Variants in CDH7 observed in about 807,000 individuals in gnomAD.
The protein encoded by CDH7 is cadherin 7, also known as cadherin-7.
CDH7 carries 25 observed loss-of-function variants against 71.8 expected under a neutral mutation model. The ratio of observed to expected loss-of-function variants is 0.35; its 90% CI spans 0.25 to 0.49. The LOEUF is 0.49. Among genes scored for constraint, CDH7 ranks in the 20% least tolerant of loss-of-function variants. CDH7 has a pLI of 0.99. For synonymous variants in CDH7, 381 were observed against 363.8 expected (o/e 1.05, Z -0.54); for missense variants, 862 against 974.6 (o/e 0.88, Z 1.54).
At chr18:65,840,074 A>G (rs558340503) in intron 6 of CDH7, among the ~76,000 whole-genome samples, 1 of 152,360 alleles carries the variant, frequency 6.6e-6, no homozygotes. Flanking sequence ...TTCATGTGGC[A>G]GAGAATGTAC....
intron 1 of CDH7, among the ~76,000 whole-genome samples, chr18:65,751,712 C>T (rs934100675): frequency 1.3e-5 from 2 of 152,136 alleles, no homozygotes. Flanking sequence ...TAGTATTCTG[C>T]TGATCTGGTT....
At chr18:65,830,969 T>TA (rs1444835898) in intron 6 of CDH7, among the ~76,000 whole-genome samples, 1 of 152,026 alleles carries the variant, frequency 6.6e-6, no homozygotes, top group African/African-American at 2.4e-5. Flanking sequence ...TACATCTTTT[T>TA]AAAAAATTGC....
intron 6 of CDH7, among the ~76,000 whole-genome samples, chr18:65,829,908 CA>C (rs1039570292): frequency 6.6e-6 from 1 of 151,692 alleles, no homozygotes; most frequent in African/African-American, 2.4e-5. Context: ...GCTGTGGCCA[CA>C]AGGATTGAAT....
At chr18:65,782,323 C>T (rs1310581849) in intron 2 of CDH7, among the ~76,000 whole-genome samples, 2 of 151,560 alleles carry the variant, frequency 1.3e-5, no homozygotes, top group African/African-American at 4.9e-5. Context: ...TGCGCCACCA[C>T]ACCTGACAAA....
At position 65,823,266 on chromosome 18, in the gene CDH7, T is replaced by A. The variant is rs756391104; in HGVS notation, c.793+1018T>A. 5.9e-5 allele frequency among the ~76,000 whole-genome samples: 9 copies of A among 152,048 alleles called. No individual in the cohort carries two copies. In the East Asian group the frequency reaches 1.7e-3, roughly 29 times the overall value. On this transcript the variant is annotated intron_variant, in intron 5 of 11. Coordinates refer to ENST00000397968, the MANE Select transcript of CDH7 (RefSeq NM_004361.5). ...AAAAAAGTGACCCCAGGTTTAGCAT[T>A]ATTTTCTTTCAATAAGCCTATTCTT...
At chr18:65,824,441 A>C (rs768344209) in intron 5 of CDH7, among the ~76,000 whole-genome samples, 3 of 151,854 alleles carry the variant, frequency 2.0e-5, no homozygotes, top group Non-Finnish European at 4.4e-5. Context: ...TATTTCTGCT[A>C]TCACAGTGAT....
chr18:65,808,489 C>CCT (rs1279705475), intron 2 of CDH7, among the ~76,000 whole-genome samples: 1 of 152,134 alleles, frequency 6.6e-6, no homozygotes, highest in Non-Finnish European at 1.5e-5. Context: ...CAGAAATTTA[C>CCT]TTTTTGTGTT....
At chr18:65,865,748 G>A (rs147397775) in intron 11 of CDH7, 2 of 152,236 alleles carry the variant, frequency 1.3e-5, no homozygotes, top group African/African-American at 4.8e-5. Flanking sequence ...CACACAGTAA[G>A]TGCTGAAGCC....
chr18:65,882,303 C>G lies in CDH7; in HGVS notation c.*1409C>G, dbSNP rs972248710. The G allele has an allele frequency of 6.6e-6, 1 of 152,026 alleles. No homozygotes were observed. The highest frequency in any genetic ancestry group is 1.5e-5 in the Non-Finnish European group (1 of 67,952). The allele number at this position is 152,026 out of a possible 1,614,324, so 9.4% of individuals were successfully genotyped here. A position where few individuals can be genotyped will look rare whatever the true frequency, so the allele number is the denominator to read the frequency against. On this transcript the variant is annotated 3_prime_UTR_variant, in exon 12 of 12. Transcript: ENST00000397968. ...GACTTTCATGACCAAAATGATGTTT[C>G]TACCTATTATTTTTCCTAGATTAAT...
rs1914372051 is a variant in CDH7 at position 65,886,232 on chromosome 18, C to T, written c.*5338C>T. On this transcript the variant is annotated 3_prime_UTR_variant, in exon 12 of 12. Transcript: ENST00000397968. ...AGTAAAACACTATAAAAAGATAAAGCTTTATTATGGGAAATAATGGGAATT... is the reference window on the plus strand; with the variant it reads ...AGTAAAACACTATAAAAAGATAAAGTTTTATTATGGGAAATAATGGGAATT... 6.6e-6 allele frequency: 1 copy of T among 151,996 alleles called. No homozygotes were observed. Among genetic ancestry groups the T allele is most frequent in the Non-Finnish European group, 1.5e-5 (1 of 68,002 alleles). The allele number at this position is 151,996 out of a possible 1,614,324, so 9.4% of individuals were successfully genotyped here.
At chr18:65,808,910 G>A (rs1911424546) in intron 2 of CDH7, among the ~76,000 whole-genome samples, 2 of 152,144 alleles carry the variant, frequency 1.3e-5, no homozygotes, top group African/African-American at 4.8e-5. Context: ...TTACGTGTGA[G>A]TTTCCTGAGG....
At chr18:65,848,443 T>C (rs1913012327) in intron 7 of CDH7, among the ~76,000 whole-genome samples, 1 of 152,184 alleles carries the variant, frequency 6.6e-6, no homozygotes, top group Non-Finnish European at 1.5e-5. Flanking sequence ...CACTGTAATA[T>C]GGCAAATTGT....
intron 4 of CDH7, among the ~76,000 whole-genome samples, chr18:65,820,358 A>G (rs771926923): frequency 1.3e-5 from 2 of 152,072 alleles, no homozygotes; most frequent in South Asian, 2.1e-4. Flanking sequence ...TAGGTATCCA[A>G]TTGGTCAAGA....
chr18:65,856,603 C>G (rs1913365082), intron 7 of CDH7, among the ~76,000 whole-genome samples: 1 of 151,984 alleles, frequency 6.6e-6, no homozygotes, highest in African/African-American at 2.4e-5. Flanking sequence ...AATCAAGAAT[C>G]AAGAAGATGA....
At chr18:65,867,195 C>T (rs868416874) in intron 11 of CDH7, among the ~76,000 whole-genome samples, 1 of 152,008 alleles carries the variant, frequency 6.6e-6, no homozygotes, top group African/African-American at 2.4e-5. Context: ...GCCACCACGC[C>T]CGGCTAATTG....
chr18:65,835,604 C>A (rs1912504546), intron 6 of CDH7, among the ~76,000 whole-genome samples: 1 of 152,114 alleles, frequency 6.6e-6, no homozygotes, highest in Non-Finnish European at 1.5e-5. Flanking sequence ...TGTATGAAAC[C>A]CTCTAGAAGT....
chr18:65,862,871 T>C lies in CDH7; in HGVS notation c.1818T>C (p.Ser606=). The stretch of plus-strand genomic sequence containing the variant: ...CCTATGTCCTACCTGCTGGCCTCAG[T>C]ACAGGAGCCCTGATAGCCATACTCG... ...AEAYVLPAGL[S]TGALIAILAC... The change falls in exon 11 of 12, where the codon AGT becomes AGC. Residue 606 remains serine, a synonymous_variant. Coordinates refer to ENST00000397968, the MANE Select transcript of CDH7 (RefSeq NM_004361.5). The C allele has an allele frequency of 6.2e-7, 1 of 1,614,184 alleles. No homozygotes were observed. The highest frequency in any genetic ancestry group is 8.5e-7 in the Non-Finnish European group (1 of 1,180,002).
chr18:65,803,006 T>C (rs963040534), intron 2 of CDH7: 3 of 152,202 alleles, frequency 2.0e-5, no homozygotes, highest in Admixed American at 6.5e-5. Context: ...CACCACTATA[T>C]GGAAATGTAT....
intron 5 of CDH7, among the ~76,000 whole-genome samples, chr18:65,824,098 T>G (rs1470219612): frequency 6.6e-6 from 1 of 151,252 alleles, no homozygotes; most frequent in Non-Finnish European, 1.5e-5. Flanking sequence ...CCCAAATCAG[T>G]TCTACATACA....
Sources: gnomAD v4.1 joint callset for allele counts (sites outside exome capture counted in the v4.1 genomes callset) on GRCh38, gnomAD v4.1.1 for gene constraint, MANE v1.5 for transcripts, NCBI Gene and HGNC (gene_info 2026-07-23, HGNC 2026-07-21) for gene names.